Variants in PDCD10 observed in about 807,000 individuals in gnomAD.
The protein encoded by PDCD10 is programmed cell death 10.
PDCD10 carries 4 observed loss-of-function variants against 29.2 expected under a neutral mutation model. The ratio of observed to expected loss-of-function variants is 0.14; its 90% confidence interval spans 0.07 to 0.31. PDCD10 has a LOEUF of 0.31. PDCD10 is among the 10% of genes least tolerant of loss of function. The probability of loss-of-function intolerance (pLI) is 1.00; values close to 1 mark genes in which losing one functional copy is unlikely to be tolerated. For missense variants in PDCD10, 183 were observed against 257.9 expected (o/e 0.71, Z 1.99); for synonymous variants, 70 against 82.2 (o/e 0.85, Z 0.80).
chr3:167,727,851 C>T (rs1231687800), intron 2 of PDCD10, among the ~76,000 whole-genome samples: 2 of 152,310 alleles, frequency 1.3e-5, no homozygotes, highest in African/African-American at 4.8e-5. Flanking sequence ...TTTCTTTGCA[C>T]CAAAAACACT....
chr3:167,693,125 CAA>C (rs1423748996), intron 6 of PDCD10, among the ~76,000 whole-genome samples: 1 of 152,100 alleles, frequency 6.6e-6, no homozygotes, highest in African/African-American at 2.4e-5. Context: ...TTATGTGACT[CAA>C]AAGAGAGTAT....
chr3:167,716,567 T>A (rs1374516020), intron 3 of PDCD10, among the ~76,000 whole-genome samples: 3 of 151,558 alleles, frequency 2.0e-5, no homozygotes, highest in Non-Finnish European at 3.0e-5. Context: ...TTTAAAAAAA[T>A]TTAAAAATAA....
chr3:167,734,161 T>C (rs1725124117), intron 2 of PDCD10, 53 bp downstream of exon 2: 1 of 152,190 alleles, frequency 6.6e-6, no homozygotes, highest in African/African-American at 2.4e-5. Context: ...GGTTTCCTCA[T>C]CAGCATCCCA....
At chr3:167,690,430 A>C (rs560801025) in intron 6 of PDCD10, among the ~76,000 whole-genome samples, 17 of 152,228 alleles carry the variant, frequency 1.1e-4, no homozygotes, top group Non-Finnish European at 1.9e-4. Context: ...AACTTAAAAC[A>C]AATAAACCTT....
intron 3 of PDCD10, among the ~76,000 whole-genome samples, chr3:167,711,986 T>C (rs562588979): frequency 1.3e-5 from 2 of 152,176 alleles, no homozygotes; most frequent in African/African-American, 4.8e-5. Flanking sequence ...TCATCAACAC[T>C]AGACTTGTCC....
intron 8 of PDCD10, among the ~76,000 whole-genome samples, chr3:167,684,853 A>G (rs541837945): frequency 6.6e-6 from 1 of 152,326 alleles, no homozygotes; most frequent in Admixed American, 6.5e-5. Flanking sequence ...AAAAGGTAGA[A>G]ATTCTAAGCT....
At chr3:167,692,193 C>A (rs564059461) in intron 6 of PDCD10, among the ~76,000 whole-genome samples, 2 of 152,310 alleles carry the variant, frequency 1.3e-5, no homozygotes, top group Non-Finnish European at 2.9e-5. Flanking sequence ...GGATCACTGA[C>A]AATTTATCCT....
At chr3:167,721,982 C>T (rs1458257842) in intron 2 of PDCD10, among the ~76,000 whole-genome samples, 1 of 152,074 alleles carries the variant, frequency 6.6e-6, no homozygotes, top group Non-Finnish European at 1.5e-5. Context: ...CCAATTGTGG[C>T]CCTGCTGTTC....
At chr3:167,717,671 CATT>C (rs1353032582) in intron 3 of PDCD10, among the ~76,000 whole-genome samples, 1 of 151,970 alleles carries the variant, frequency 6.6e-6, no homozygotes, top group Non-Finnish European at 1.5e-5. Flanking sequence ...TTTGAAGGAA[CATT>C]ATTTTACTCC....
intron 2 of PDCD10, among the ~76,000 whole-genome samples, chr3:167,725,188 CG>C (rs1723967828): frequency 7.0e-6 from 1 of 142,044 alleles, no homozygotes; most frequent in Non-Finnish European, 1.5e-5. Flanking sequence ...ACCTGGAAGG[CG>C]GAAGTTGCAG....
intron 3 of PDCD10, among the ~76,000 whole-genome samples, chr3:167,709,632 T>C (rs1268941725): frequency 6.6e-6 from 1 of 152,106 alleles, no homozygotes; most frequent in African/African-American, 2.4e-5. Flanking sequence ...CTCTAGAGTC[T>C]CAGATAAACT....
At chr3:167,731,019 G>A (rs1724747104) in intron 2 of PDCD10, 1 of 151,954 alleles carries the variant, frequency 6.6e-6, no homozygotes, top group African/African-American at 2.4e-5. Context: ...AAAAAATTAT[G>A]GATTCTAGAA....
chr3:167,715,122 A>C (rs1722885403), intron 3 of PDCD10, among the ~76,000 whole-genome samples: 1 of 151,914 alleles, frequency 6.6e-6, no homozygotes, highest in South Asian at 2.1e-4. Flanking sequence ...ATATGCCTAC[A>C]ATGAACTCAA....
chr3:167,703,942 CAA>C (rs1484510746), intron 4 of PDCD10, among the ~76,000 whole-genome samples: 3 of 152,154 alleles, frequency 2.0e-5, no homozygotes, highest in Non-Finnish European at 2.9e-5. Context: ...ATGAAGTCTT[CAA>C]AATCTGTGTG....
rs1720728759 is a variant in PDCD10 at position 167,695,688 on chromosome 3, T to C, written c.303A>G (p.Gln101=). The C allele has an allele frequency of 6.2e-7, 1 of 1,613,662 alleles. No individual in the cohort carries two copies. Among genetic ancestry groups the C allele is most frequent in the African/African-American group, 1.3e-5 (1 of 75,046 alleles). Residue 101 remains glutamine, a synonymous_variant, in exon 6 of 9, where the codon CAA becomes CAG. Transcript: ENST00000392750. ...GTGCTCGTGCCTTTTCGTTTAGGTC[T>C]TGGAATTCTGGCTCTGGTCGTTCAA... ...YMIERPEPEF[Q]DLNEKARALK...
chr3:167,711,511 C>T (rs534988535), intron 3 of PDCD10, among the ~76,000 whole-genome samples: 1 of 152,056 alleles, frequency 6.6e-6, no homozygotes, highest in Non-Finnish European at 1.5e-5. Context: ...AACACTCCTA[C>T]AAGATCTAGA....
chr3:167,711,553 A>G (rs1445146449), intron 3 of PDCD10, among the ~76,000 whole-genome samples: 1 of 152,230 alleles, frequency 6.6e-6, no homozygotes, highest in Non-Finnish European at 1.5e-5. Context: ...CCTAAGAGTT[A>G]CTGGCATTAA....
chr3:167,685,794 A>G (rs1719556650), intron 8 of PDCD10, among the ~76,000 whole-genome samples: 1 of 152,204 alleles, frequency 6.6e-6, no homozygotes, highest in Non-Finnish European at 1.5e-5. Flanking sequence ...AATCAAATAA[A>G]AGTTTATTTT....
chr3:167,699,028 T>C (rs540030296), intron 4 of PDCD10, among the ~76,000 whole-genome samples: 8 of 152,278 alleles, frequency 5.3e-5, no homozygotes, highest in African/African-American at 1.7e-4. Flanking sequence ...CCTAACTACC[T>C]AGCCTTTAAA....
Sources: allele counts gnomAD v4.1 joint callset (sites outside exome capture counted in the v4.1 genomes callset), GRCh38; gene constraint gnomAD v4.1.1; transcripts MANE v1.5; gene names NCBI Gene and HGNC (gene_info 2026-07-23, HGNC 2026-07-21).